CPNE4: variants seen among roughly 807,000 people sequenced by gnomAD.
The protein encoded by CPNE4 is copine 4, also known as copine-4.
In CPNE4, 25 loss-of-function variants were observed where a neutral mutation model predicts 67.9. The ratio of observed to expected loss-of-function variants is 0.37; its 90% CI spans 0.27 to 0.51. The LOEUF (loss-of-function observed/expected upper bound fraction) is 0.51, where lower values mean the gene tolerates loss of function less well. Ranked by LOEUF, CPNE4 falls within the 20% of genes least tolerant of loss-of-function variation. The pLI is 0.93. For synonymous variants in CPNE4, 242 were observed against 244.9 expected, an observed-to-expected ratio of 0.99 and a Z score of 0.11; for missense variants, 464 against 690.8, an observed-to-expected ratio of 0.67 and a Z score of 3.68.
intron 3 of CPNE4, among the ~76,000 whole-genome samples, chr3:131,716,897 C>T (rs1021717172): frequency 2.6e-5 from 4 of 152,238 alleles, no homozygotes; most frequent in Admixed American, 1.3e-4. Flanking sequence ...ACCATGTACA[C>T]GTCAGCACTA....
At position 131,993,472 on chromosome 3, in the gene CPNE4, CAAAAA is replaced by C. The variant is rs58116331; in HGVS notation, c.-2+41090_-2+41094del. ...ACCCTGATTTCGTGTGCAGGAGTGGCAAAAAAAAAAAAAAAAAGCATAGCTTTAGA... is the reference window on the plus strand; with the variant it reads ...ACCCTGATTTCGTGTGCAGGAGTGGCAAAAAAAAAAAAGCATAGCTTTAGA... On this transcript the variant is annotated intron_variant, in intron 1 of 15. Transcript: ENST00000429747. Among the ~76,000 whole-genome samples, 4 of 60,474 alleles carry C rather than the reference CAAAAA, an allele frequency of 6.6e-5. 1 individual carries two copies. The highest frequency in any genetic ancestry group is 1.5e-3 in the South Asian group (2 of 1,338). The allele number at this position is 60,474 out of a possible 152,430, so 39.7% of individuals were successfully genotyped here.
chr3:131,554,786 G>T (rs114409974), intron 12 of CPNE4, among the ~76,000 whole-genome samples: 1 of 152,030 alleles, frequency 6.6e-6, no homozygotes, highest in Admixed American at 6.6e-5. Context: ...GCACTGGTAA[G>T]GTGGAGGCTG....
intron 2 of CPNE4, among the ~76,000 whole-genome samples, chr3:131,769,974 A>G (rs1462978448): frequency 1.3e-5 from 2 of 152,146 alleles, no homozygotes; most frequent in African/African-American, 2.4e-5. Context: ...CAAAACACTC[A>G]AGATGAGTTT....
chr3:132,036,742 C>T (rs1199986018), upstream of CPNE4, among the ~76,000 whole-genome samples: 1 of 152,090 alleles, frequency 6.6e-6, no homozygotes, highest in African/African-American at 2.4e-5. Context: ...ATAATTATAA[C>T]CCCAATGCCT....
chr3:131,755,542 A>C (rs1432121183), intron 2 of CPNE4, among the ~76,000 whole-genome samples: 1 of 152,228 alleles, frequency 6.6e-6, no homozygotes, highest in Non-Finnish European at 1.5e-5. Flanking sequence ...GGGATGAAAG[A>C]ATACAAAACA....
At chr3:131,851,629 T>C (rs1257318584) in intron 2 of CPNE4, among the ~76,000 whole-genome samples, 1 of 152,084 alleles carries the variant, frequency 6.6e-6, no homozygotes, top group Non-Finnish European at 1.5e-5. Context: ...GTTTTCCTTG[T>C]GCTGAACAAT....
intron 2 of CPNE4, among the ~76,000 whole-genome samples, chr3:131,724,859 C>A (rs2081967418): frequency 6.6e-6 from 1 of 152,144 alleles, no homozygotes; most frequent in African/African-American, 2.4e-5. Flanking sequence ...CTACTAGGAT[C>A]CTTATCGCTA....
At chr3:131,870,831 A>G (rs912338653) in intron 2 of CPNE4, among the ~76,000 whole-genome samples, 1 of 152,210 alleles carries the variant, frequency 6.6e-6, no homozygotes, top group Non-Finnish European at 1.5e-5. Context: ...AGAGACGCAC[A>G]TAGAGCCACT....
chr3:131,671,697 A>G (rs574569411), intron 6 of CPNE4, among the ~76,000 whole-genome samples: 1 of 152,308 alleles, frequency 6.6e-6, no homozygotes, highest in African/African-American at 2.4e-5. Context: ...AATATCAATG[A>G]GAAGAATGCT....
chr3:131,759,183 G>C lies in CPNE4; in HGVS notation c.181-35558C>G, dbSNP rs770259352. Among the ~76,000 whole-genome samples, 5 of 152,144 alleles carry C rather than the reference G, an allele frequency of 3.3e-5. No individual in the cohort carries two copies. In the South Asian group the frequency reaches 8.3e-4, roughly 25 times the overall value. On this transcript the variant is annotated intron_variant, in intron 2 of 15. Transcript: ENST00000429747. ...CACAGGTCATTGGGCAACAAGGAAT[G>C]AACGAGATGGATGCTGAAAAGCCAC... is the stretch of plus-strand genomic sequence containing the variant.
intron 1 of CPNE4, among the ~76,000 whole-genome samples, chr3:131,936,582 A>G (rs954720301): frequency 9.9e-5 from 15 of 152,268 alleles, no homozygotes; most frequent in African/African-American, 3.4e-4. Flanking sequence ...TTGCTCACTG[A>G]AGAGCAATAA....
intron 7 of CPNE4, among the ~76,000 whole-genome samples, chr3:131,662,049 G>A (rs1242429856): frequency 6.6e-6 from 1 of 152,048 alleles, no homozygotes; most frequent in African/African-American, 2.4e-5. Context: ...TCCTTTCCAA[G>A]CAGTAAGAGC....
chr3:131,799,893 T>G (rs1037928305), intron 2 of CPNE4, among the ~76,000 whole-genome samples: 9 of 129,358 alleles, frequency 7.0e-5, no homozygotes, highest in African/African-American at 2.1e-4. Flanking sequence ...TGGATTGTTT[T>G]TTGTTGGTGC....
chr3:131,669,647 T>A (rs1356545807), intron 7 of CPNE4, 28 bp downstream of exon 7: 2 of 1,541,876 alleles, frequency 1.3e-6, no homozygotes, highest in Admixed American at 1.9e-5. Context: ...TTTTAAAAAA[T>A]CACATTTCTT....
At chr3:131,685,982 A>G (rs11716477) in intron 5 of CPNE4, 24 bp from the exon 6 acceptor site, 134,548 of 1,344,658 alleles carry the variant, frequency 0.1, 7,684 homozygotes, top group Non-Finnish European at 0.11. Flanking sequence ...ACGTCAATGA[A>G]TTGTTTTTCC....
At chr3:131,961,786 T>C (rs1375170787) in intron 1 of CPNE4, among the ~76,000 whole-genome samples, 8 of 152,074 alleles carry the variant, frequency 5.3e-5, no homozygotes, top group African/African-American at 1.4e-4. Context: ...GGTGAAAGGG[T>C]AGAGACAACA....
intron 1 of CPNE4, among the ~76,000 whole-genome samples, chr3:131,946,304 A>G (rs1427871835): frequency 1.3e-5 from 2 of 152,210 alleles, no homozygotes; most frequent in Non-Finnish European, 2.9e-5. Context: ...TATCTTGTAC[A>G]TAGCATAATA....
intron 14 of CPNE4, among the ~76,000 whole-genome samples, chr3:131,544,485 T>C (rs1021894214): frequency 1.3e-5 from 2 of 152,212 alleles, no homozygotes; most frequent in African/African-American, 4.8e-5. Context: ...GTCCATTAAC[T>C]AACCACTCAC....
intron 7 of CPNE4, among the ~76,000 whole-genome samples, chr3:131,641,027 C>G (rs1193648538): frequency 6.6e-6 from 1 of 152,100 alleles, no homozygotes; most frequent in Non-Finnish European, 1.5e-5. Flanking sequence ...CAAGATGGAT[C>G]AGAGACTTAA....
Sources: gnomAD v4.1 joint callset for allele counts (sites outside exome capture counted in the v4.1 genomes callset) on GRCh38, gnomAD v4.1.1 for gene constraint, MANE v1.5 for transcripts, NCBI Gene and HGNC (gene_info 2026-07-23, HGNC 2026-07-21) for gene names.